Variants in PLCB1 observed in about 807,000 individuals in gnomAD.
PLCB1 encodes 1-phosphatidylinositol 4,5-bisphosphate phosphodiesterase beta-1.
Under a neutral mutation model 161.8 loss-of-function variants are expected in PLCB1, and 46 were observed. That is an observed-to-expected ratio of 0.28 (90% CI 0.22 to 0.36). The LOEUF is 0.36. Among genes scored for constraint, PLCB1 ranks in the 10% least tolerant of loss-of-function variants. PLCB1 has a pLI of 1.00. For synonymous variants in PLCB1, 517 were observed against 503.7 expected (o/e 1.03, Z -0.35); for missense variants, 1,016 against 1,472.5 (o/e 0.69, Z 5.07).
chr20:8,445,431 G>A (rs1214326840), intron 3 of PLCB1, among the ~76,000 whole-genome samples: 1 of 152,026 alleles, frequency 6.6e-6, no homozygotes, highest in African/African-American at 2.4e-5. Flanking sequence ...CCAGTACCAT[G>A]CTGTTTTGGT....
At chr20:8,462,063 AAT>A (rs1243843978) in intron 3 of PLCB1, among the ~76,000 whole-genome samples, 1 of 151,792 alleles carries the variant, frequency 6.6e-6, no homozygotes, top group Non-Finnish European at 1.5e-5. Flanking sequence ...TATATATGTA[AAT>A]ATATGTGTAT....
intron 31 of PLCB1, among the ~76,000 whole-genome samples, chr20:8,820,129 G>T (rs1482682411): frequency 1.4e-5 from 2 of 141,992 alleles, no homozygotes; most frequent in African/African-American, 2.6e-5. Context: ...AAAATTTTTT[G>T]AGTTACAATT....
At chr20:8,850,755 ATCT>A (rs1359308873) in intron 31 of PLCB1, among the ~76,000 whole-genome samples, 2 of 152,148 alleles carry the variant, frequency 1.3e-5, no homozygotes, top group Non-Finnish European at 2.9e-5. Context: ...CAGACGCCAA[ATCT>A]TCTGGTGCCA....
intron 3 of PLCB1, among the ~76,000 whole-genome samples, chr20:8,457,952 A>G (rs1377158837): frequency 6.6e-6 from 1 of 152,218 alleles, no homozygotes; most frequent in Non-Finnish European, 1.5e-5. Flanking sequence ...ATTTATTTAG[A>G]GTTTGCAAGA....
intron 27 of PLCB1, among the ~76,000 whole-genome samples, chr20:8,776,822 TGTA>T (rs1198069851): frequency 2.0e-5 from 3 of 152,138 alleles, no homozygotes; most frequent in African/African-American, 7.2e-5. Flanking sequence ...TGGTAAAACA[TGTA>T]GTATGTTAGG....
intron 3 of PLCB1, among the ~76,000 whole-genome samples, chr20:8,616,569 GCATCTGT>G (rs1284724356): frequency 2.0e-5 from 3 of 152,292 alleles, no homozygotes; most frequent in Admixed American, 2.0e-4. Context: ...CAGGGTGTAA[GCATCTGT>G]TTTTGTTCAC....
chr20:8,737,010 G>A lies in PLCB1; in HGVS notation c.2044-18G>A. 3.8e-6 allele frequency: 6 copies of A among 1,590,984 alleles called. No homozygotes were observed. The highest frequency in any genetic ancestry group is 3.3e-5 in the South Asian group (3 of 90,162). On this transcript the variant is annotated intron_variant, in intron 19 of 31. Transcript: ENST00000338037. ...TATCAAAATTCCTTATGGATTGATT[G>A]ATTTATTGATTTTCTAGATTATTTC... is the stretch of plus-strand genomic sequence containing the variant.
At position 8,727,601 on chromosome 20, in the gene PLCB1, C is replaced by T. The variant is rs544130862; in HGVS notation, c.1763+208C>T. 5.3e-5 allele frequency among the ~76,000 whole-genome samples: 8 copies of T among 152,086 alleles called. No homozygotes were observed. In the East Asian group the frequency reaches 7.7e-4, roughly 15 times the overall value. On this transcript the variant is annotated intron_variant, in intron 17 of 31. Transcript: ENST00000338037. ...AAAACTGGTCTTGGAATAAAGGAAG[C>T]GTAGATTTCAAGGTTGCCTTCACAC... is the stretch of plus-strand genomic sequence containing the variant.
At chr20:8,727,853 A>G (rs1337283462) in intron 17 of PLCB1, among the ~76,000 whole-genome samples, 1 of 152,112 alleles carries the variant, frequency 6.6e-6, no homozygotes, top group Non-Finnish European at 1.5e-5. Context: ...AGGGATGATG[A>G]TGATGACATT....
chr20:8,182,584 T>C (rs1232721163), intron 2 of PLCB1, among the ~76,000 whole-genome samples: 1 of 70,348 alleles, frequency 1.4e-5, no homozygotes, highest in African/African-American at 1.5e-4. Context: ...CTTTTTTTTC[T>C]TTTTTTTTTT....
intron 2 of PLCB1, among the ~76,000 whole-genome samples, chr20:8,163,653 T>A (rs1023794540): frequency 3.9e-5 from 6 of 152,186 alleles, no homozygotes; most frequent in Non-Finnish European, 8.8e-5. Context: ...CAGATCTGGA[T>A]TTCTCAAAAA....
At chr20:8,456,114 A>G (rs1425841068) in intron 3 of PLCB1, among the ~76,000 whole-genome samples, 1 of 152,260 alleles carries the variant, frequency 6.6e-6, no homozygotes, top group Non-Finnish European at 1.5e-5. Context: ...ATGATCTCAT[A>G]TAACTTAGCA....
At chr20:8,818,376 A>G (rs1249007539) in intron 31 of PLCB1, among the ~76,000 whole-genome samples, 5 of 152,238 alleles carry the variant, frequency 3.3e-5, no homozygotes, top group Admixed American at 2.6e-4. Flanking sequence ...ATCTTCACTA[A>G]AGGAAATCAT....
rs1980093640 is a variant in PLCB1 at position 8,729,088 on chromosome 20, G to A, written c.1802G>A (p.Gly601Glu). ...KMQLSRIYPKGTRVDSSNYMP... is the reference protein window; with the variant it reads ...KMQLSRIYPKETRVDSSNYMP... ...CAGCTTAGCAGGATATATCCAAAAG[G>A]AACACGTGTGGATTCATCCAACTAT... The change falls in exon 18 of 32, where the codon GGA becomes GAA. Residue 601 changes from glycine (G) to glutamate (E), a missense_variant. Coordinates refer to ENST00000338037, the MANE Select transcript of PLCB1 (RefSeq NM_015192.4). The A allele has an allele frequency of 6.2e-7, 1 of 1,610,958 alleles. No individual in the cohort carries two copies. The highest frequency in any genetic ancestry group is 1.7e-5 in the Admixed American group (1 of 59,824).
At chr20:8,318,280 C>T (rs544853132) in intron 2 of PLCB1, among the ~76,000 whole-genome samples, 31 of 152,212 alleles carry the variant, frequency 2.0e-4, no homozygotes, top group Non-Finnish European at 4.3e-4. Flanking sequence ...TTACAGTCTA[C>T]CACATTCATT....
chr20:8,468,248 G>A (rs967670834), intron 3 of PLCB1, among the ~76,000 whole-genome samples: 1 of 152,072 alleles, frequency 6.6e-6, no homozygotes, highest in African/African-American at 2.4e-5. Flanking sequence ...TTATAAGTCT[G>A]TTTACATATA....
At chr20:8,373,540 T>A (rs1277086490) in intron 3 of PLCB1, among the ~76,000 whole-genome samples, 1 of 152,194 alleles carries the variant, frequency 6.6e-6, no homozygotes, top group Non-Finnish European at 1.5e-5. Context: ...CCTCCAGAAA[T>A]GCTGGTACCA....
intron 3 of PLCB1, among the ~76,000 whole-genome samples, chr20:8,533,434 G>T (rs1484243589): frequency 6.6e-6 from 1 of 151,846 alleles, no homozygotes; most frequent in African/African-American, 2.4e-5. Context: ...CTGAGAAATC[G>T]CCACACTGAC....
rs1982258936 is a variant in PLCB1 at position 8,765,256 on chromosome 20, A to C, written c.2828A>C (p.Asp943Ala). 1 of 1,613,838 alleles carries C rather than the reference A, an allele frequency of 6.2e-7. No individual in the cohort carries two copies. The highest frequency in any genetic ancestry group is 1.3e-5 in the African/African-American group (1 of 74,934). The change falls in exon 26 of 32, where the codon GAC becomes GCC. Residue 943 changes from aspartate (D) to alanine (A), a missense_variant. Asp to Ala is a moderately radical substitution (Grantham distance 126, BLOSUM62 -2). This residue lies in a region of PLCB1 where 398 missense variants were observed against 445.4 expected (regional missense o/e 0.89). Coordinates refer to ENST00000338037, the MANE Select transcript of PLCB1 (RefSeq NM_015192.4). ...LVKRHHKKTTDLIKEHTTKYN... is the reference protein window; with the variant it reads ...LVKRHHKKTTALIKEHTTKYN... Reference sequence around the variant, plus strand: ...AAGAGACACCACAAGAAAACCACTGACCTTATCAAAGAACACACTACCAAG... The same window carrying C: ...AAGAGACACCACAAGAAAACCACTGCCCTTATCAAAGAACACACTACCAAG...
Sources: gnomAD v4.1 joint callset for allele counts (sites outside exome capture counted in the v4.1 genomes callset) on GRCh38, gnomAD v4.1.1 for gene constraint, gnomAD v4.1.1 regional missense constraint, MANE v1.5 for transcripts, NCBI Gene and HGNC (gene_info 2026-07-23, HGNC 2026-07-21) for gene names.